Variants in CUX2 observed in about 807,000 individuals in gnomAD.
The protein encoded by CUX2 is cut like homeobox 2.
In CUX2, 40 loss-of-function variants were observed where a neutral mutation model predicts 144.8. The observed-to-expected ratio is 0.28, with a 90% CI of 0.21 to 0.36. The LOEUF (loss-of-function observed/expected upper bound fraction) is 0.36, where lower values mean the gene tolerates loss of function less well. Ranked by LOEUF, CUX2 falls within the 10% of genes least tolerant of loss-of-function variation. The probability of loss-of-function intolerance (pLI) is 1.00; values close to 1 mark genes in which losing one functional copy is unlikely to be tolerated. For missense variants in CUX2, 1,615 were observed against 1,994.0 expected (o/e 0.81, Z 3.62); for synonymous variants, 827 against 875.6 (o/e 0.94, Z 0.98).
At chr12:111,313,237 T>TC (rs1428153337) in intron 16 of CUX2, among the ~76,000 whole-genome samples, 2 of 150,902 alleles carry the variant, frequency 1.3e-5, no homozygotes, top group African/African-American at 4.9e-5. Context: ...AATTTTTTTT[T>TC]TTTTTGTATT....
intron 16 of CUX2, among the ~76,000 whole-genome samples, chr12:111,314,639 T>TAAAAAAAAAAAAAAAAA (rs954472479): frequency 8.6e-5 from 2 of 23,232 alleles, no homozygotes; most frequent in Non-Finnish European, 8.0e-5. Flanking sequence ...AAACTCAGTC[T>TAAAAAAAAAAAAAAAAA]AAAAAAAAAA....
chr12:111,123,906 G>A (rs921491036), intron 1 of CUX2, among the ~76,000 whole-genome samples: 2 of 152,178 alleles, frequency 1.3e-5, no homozygotes, highest in Admixed American at 1.3e-4. Flanking sequence ...AAGGAAACAG[G>A]CTCAGAGGGG....
At position 111,039,462 on chromosome 12, in the gene CUX2, C is replaced by G. The variant is rs1195070483; in HGVS notation, c.63+5222C>G. 6.6e-6 allele frequency among the ~76,000 whole-genome samples: 1 copy of G among 152,196 alleles called. No homozygotes were observed. The highest frequency in any genetic ancestry group is 1.5e-5 in the Non-Finnish European group (1 of 68,028). ...CCTGCTTCTTAACCCTTGAAGTCAG[C>G]TGGCTGTGCCCAACTTTGCTGTACG... On this transcript the variant is annotated intron_variant, in intron 1 of 21. Coordinates refer to ENST00000261726, the MANE Select transcript of CUX2 (RefSeq NM_015267.4). This position sits in a 1 kb window ranked among gnomAD's most constrained non-coding sequence, Gnocchi z 4.2.
rs1887496125 is a variant in CUX2 at position 111,320,932 on chromosome 12, C to A, written c.2766+157C>A. 6.6e-6 allele frequency among the ~76,000 whole-genome samples: 1 copy of A among 152,226 alleles called. No individual in the cohort carries two copies. ...TCCCGCAGGAAGGAGGGCCACTGTT[C>A]TGCTCCGTGGTTGTTAAAACCAGGA... On this transcript the variant is annotated intron_variant, in intron 17 of 21. Transcript: ENST00000261726. This position sits in a 1 kb window ranked among gnomAD's most constrained non-coding sequence, Gnocchi z 8.1.
At position 111,302,914 on chromosome 12, in the gene CUX2, A is replaced by G. The variant is rs866566857; in HGVS notation, c.754-1296A>G. Among the ~76,000 whole-genome samples the G allele has an allele frequency of 4.1e-3, 611 of 150,086 alleles. 4 individuals are homozygous for G. The highest frequency in any genetic ancestry group is 0.013 in the African/African-American group (537 of 40,596). On this transcript the variant is annotated intron_variant, in intron 9 of 21. Transcript: ENST00000261726. ...GACTCTGTCTTAAAAAAAAAAAAAA[A>G]AAAAGAAAAGAAAAAGAAATCTACC...
chr12:111,168,727 G>A (rs1370670479), intron 1 of CUX2, among the ~76,000 whole-genome samples: 1 of 152,230 alleles, frequency 6.6e-6, no homozygotes, highest in Admixed American at 6.5e-5. Flanking sequence ...AATCGGAGAA[G>A]ACTCCTGCAT....
chr12:111,040,609 G>C (rs1285263462), intron 1 of CUX2, among the ~76,000 whole-genome samples: 4 of 152,028 alleles, frequency 2.6e-5, no homozygotes, highest in Non-Finnish European at 5.9e-5. Flanking sequence ...TTCCACCACT[G>C]TTTCCCCACT....
At position 111,085,193 on chromosome 12, in the gene CUX2, A is replaced by C. The variant is rs536008009; in HGVS notation, c.63+50953A>C. 7.2e-5 allele frequency among the ~76,000 whole-genome samples: 11 copies of C among 152,336 alleles called. No individual in the cohort carries two copies. The South Asian group carries it at 2.3e-3, about 32-fold the overall frequency. ...TGCTGTGGTGTGCTGGAGTTGGCTCATACCAGCTCCTGAGAGCTGACTGTG... is the reference window on the plus strand; with the variant it reads ...TGCTGTGGTGTGCTGGAGTTGGCTCCTACCAGCTCCTGAGAGCTGACTGTG... On this transcript the variant is annotated intron_variant, in intron 1 of 21. Transcript: ENST00000261726.
At position 111,320,856 on chromosome 12, in the gene CUX2, C is replaced by A; in HGVS notation, c.2766+81C>A. The A allele has an allele frequency of 1.5e-6, 2 of 1,370,076 alleles. No individual in the cohort carries two copies. The highest frequency in any genetic ancestry group is 3.2e-5 in the Admixed American group (1 of 31,618). 84.9% of individuals were successfully genotyped at this position (1,370,076 alleles called of 1,614,324 possible). ...TAGGATGCCCACCCAAGCAGGCTGG[C>A]GGGACCCCAGGGGCCCAGGCCCTTC... On this transcript the variant is annotated intron_variant, in intron 17 of 21. Transcript: ENST00000261726. The surrounding 1 kb of genome is among the most constrained non-coding windows in gnomAD (Gnocchi z 8.1).
chr12:111,322,814 G>A lies in CUX2; in HGVS notation c.2926+234G>A, dbSNP rs1887601611. On this transcript the variant is annotated intron_variant, in intron 18 of 21. Coordinates refer to ENST00000261726, the MANE Select transcript of CUX2 (RefSeq NM_015267.4). This position sits in a 1 kb window ranked among gnomAD's most constrained non-coding sequence, Gnocchi z 4.2. Reference sequence around the variant, plus strand: ...GGAGGCTTCTAGAAGCTGCACGCCTGATGCACTGGGTCCTGGCTTTAAGCC... The same window carrying A: ...GGAGGCTTCTAGAAGCTGCACGCCTAATGCACTGGGTCCTGGCTTTAAGCC... Among the ~76,000 whole-genome samples the A allele has an allele frequency of 6.6e-6, 1 of 152,210 alleles. No homozygotes were observed. Among genetic ancestry groups the A allele is most frequent in the Non-Finnish European group, 1.5e-5 (1 of 68,030 alleles).
At chr12:111,309,817 C>T (rs998355326) in intron 14 of CUX2, among the ~76,000 whole-genome samples, 2 of 150,838 alleles carry the variant, frequency 1.3e-5, no homozygotes, top group Admixed American at 6.6e-5. Flanking sequence ...CATGTGATTT[C>T]TCTCTCTGTC....
At chr12:111,167,811 C>T (rs1300789769) in intron 1 of CUX2, among the ~76,000 whole-genome samples, 2 of 152,120 alleles carry the variant, frequency 1.3e-5, no homozygotes, top group Non-Finnish European at 2.9e-5. Context: ...TCTCATGCCT[C>T]AGCCTTCTGA....
chr12:111,296,440 G>C (rs773904716), intron 7 of CUX2, 33 bp from the exon 8 acceptor site: 2 of 1,581,038 alleles, frequency 1.3e-6, no homozygotes, highest in African/African-American at 2.7e-5. Context: ...CCACTCGGAG[G>C]TGGGGCCTCA....
At position 111,293,713 on chromosome 12, in the gene CUX2, T is replaced by G. The variant is rs1885817253; in HGVS notation, c.560+144T>G. ...CGAGATGAGAAAGGGCCGAGGGCTT[T>G]GGACTCCAACCGGGTCTGGGTTCAA... On this transcript the variant is annotated intron_variant, in intron 6 of 21. Transcript: ENST00000261726. The surrounding 1 kb of genome is among the most constrained non-coding windows in gnomAD (Gnocchi z 4.5). 4.1e-6 allele frequency: 5 copies of G among 1,233,678 alleles called. No homozygotes were observed. The South Asian group carries it at 4.7e-5, about 12-fold the overall frequency. The allele number at this position is 1,233,678 out of a possible 1,614,324, so 76.4% of individuals were successfully genotyped here. A position where few individuals can be genotyped will look rare whatever the true frequency, so the allele number is the denominator to read the frequency against.
intron 1 of CUX2, among the ~76,000 whole-genome samples, chr12:111,038,422 G>A (rs942636871): frequency 6.6e-6 from 1 of 152,250 alleles, no homozygotes; most frequent in African/African-American, 2.4e-5. Context: ...TGGGGAGCGT[G>A]AGCCCGCAGA....
At chr12:111,271,014 T>C (rs565565096) in intron 4 of CUX2, among the ~76,000 whole-genome samples, 1 of 152,330 alleles carries the variant, frequency 6.6e-6, no homozygotes, top group Admixed American at 6.5e-5. Flanking sequence ...GAGGATTCGC[T>C]ACGCTGTACA....
chr12:111,303,510 C>T (rs374153080), intron 9 of CUX2, among the ~76,000 whole-genome samples: 34 of 151,928 alleles, frequency 2.2e-4, no homozygotes, highest in African/African-American at 8.2e-4. Flanking sequence ...GTGGTGTGCA[C>T]TTGTAATCCC....
At chr12:111,205,865 G>T (rs574236682) in intron 1 of CUX2, among the ~76,000 whole-genome samples, 2 of 152,288 alleles carry the variant, frequency 1.3e-5, no homozygotes, top group East Asian at 1.9e-4. Flanking sequence ...TTGACACATA[G>T]CATTCACTCA....
At chr12:111,303,314 T>G (rs1886401268) in intron 9 of CUX2, among the ~76,000 whole-genome samples, 1 of 151,146 alleles carries the variant, frequency 6.6e-6, no homozygotes, top group Non-Finnish European at 1.5e-5. Flanking sequence ...CTCTTTGTGT[T>G]AGATGTTTTC....
Sources: allele counts gnomAD v4.1 joint callset (sites outside exome capture counted in the v4.1 genomes callset), GRCh38; gene constraint gnomAD v4.1.1; non-coding constraint Gnocchi (gnomAD v3.1); transcripts MANE v1.5; gene names NCBI Gene and HGNC (gene_info 2026-07-23, HGNC 2026-07-21).